Variants in RAPGEF5 observed in about 807,000 individuals in gnomAD.
The protein encoded by RAPGEF5 is M-Ras-regulated GEF.
Under a neutral mutation model 125.2 loss-of-function variants are expected in RAPGEF5, and 65 were observed. That is an observed-to-expected ratio of 0.52 (90% CI 0.43 to 0.64). The LOEUF is 0.64. RAPGEF5 is among the 30% of genes least tolerant of loss of function. The pLI, the probability that RAPGEF5 is intolerant of heterozygous loss-of-function variation, is 0.00. For missense variants in RAPGEF5, 958 were observed against 1,048.1 expected (o/e 0.91, Z 1.19); for synonymous variants, 391 against 385.9 (o/e 1.01, Z -0.16).
At chr7:22,288,257 G>A (rs190294715) in intron 6 of RAPGEF5, among the ~76,000 whole-genome samples, 13 of 152,014 alleles carry the variant, frequency 8.6e-5, no homozygotes, top group Non-Finnish European at 1.6e-4. Context: ...TCTTCTACTC[G>A]GGTCTTCAAT....
rs191244179 is a variant in RAPGEF5, at chr7:22,317,163, G to A, written c.282+824C>T. On this transcript the variant is annotated intron_variant, in intron 2 of 25. Coordinates refer to ENST00000665637, the MANE Select transcript of RAPGEF5 (RefSeq NM_012294.5). ...CTATTCCTGATGGTGGGGATACAGCGGTGGAGAAGGTAGAGAAGGTCCCAG... is the reference window on the plus strand; with the variant it reads ...CTATTCCTGATGGTGGGGATACAGCAGTGGAGAAGGTAGAGAAGGTCCCAG... Among the ~76,000 whole-genome samples, 17 of 151,068 alleles carry A rather than the reference G, an allele frequency of 1.1e-4. No homozygotes were observed. In the East Asian group the frequency reaches 2.1e-3, roughly 19 times the overall value.
At chr7:22,272,059 T>G (rs964324691) in intron 6 of RAPGEF5, among the ~76,000 whole-genome samples, 1 of 151,760 alleles carries the variant, frequency 6.6e-6, no homozygotes, top group Non-Finnish European at 1.5e-5. Flanking sequence ...TCAAGGAAAG[T>G]TGGGCCGGGC....
At chr7:22,191,706 G>A (rs979230908) in intron 11 of RAPGEF5, 16 of 468,280 alleles carry the variant, frequency 3.4e-5, no homozygotes, top group Middle Eastern at 3.2e-4. Context: ...CCAATAGCAG[G>A]CAAATTCTGA....
intron 5 of RAPGEF5, among the ~76,000 whole-genome samples, chr7:22,306,331 C>T (rs1017878350): frequency 6.6e-6 from 1 of 152,156 alleles, no homozygotes; most frequent in African/African-American, 2.4e-5. Context: ...TGGTGCTGAA[C>T]ACCTTTTCAT....
rs375937883 is a variant in RAPGEF5, at chr7:22,143,306, T to A, written c.2186+1738A>T. Among the ~76,000 whole-genome samples, 15 of 152,284 alleles carry A rather than the reference T, an allele frequency of 9.9e-5. No homozygotes were observed. In the East Asian group the frequency reaches 1.9e-3, roughly 20 times the overall value. ...AATACCAGGTCAGGAACCTCCATGGTCTCTTCTTGCCTAAGAAAAATTATC... is the reference window on the plus strand; with the variant it reads ...AATACCAGGTCAGGAACCTCCATGGACTCTTCTTGCCTAAGAAAAATTATC... On this transcript the variant is annotated intron_variant, in intron 20 of 25. Transcript: ENST00000665637.
chr7:22,319,030 T>C (rs1290757255), intron 1 of RAPGEF5, among the ~76,000 whole-genome samples: 1 of 152,240 alleles, frequency 6.6e-6, no homozygotes. Context: ...GAACTTAATA[T>C]TATTTGCTGA....
At chr7:22,169,990 GAC>G (rs1784300840) in intron 11 of RAPGEF5, among the ~76,000 whole-genome samples, 1 of 150,050 alleles carries the variant, frequency 6.7e-6, no homozygotes. Context: ...TAGCCTGGGC[GAC>G]ACAGAGAGAC....
At chr7:22,235,645 C>T (rs780030658) in intron 7 of RAPGEF5, among the ~76,000 whole-genome samples, 1 of 152,130 alleles carries the variant, frequency 6.6e-6, no homozygotes, top group East Asian at 1.9e-4. Context: ...TAGGAAAACA[C>T]CATAGTGTTT....
At chr7:22,314,388 C>A (rs1279651690) in intron 3 of RAPGEF5, among the ~76,000 whole-genome samples, 1 of 151,874 alleles carries the variant, frequency 6.6e-6, no homozygotes, top group South Asian at 2.1e-4. Context: ...AAAATTATGC[C>A]TCAGTACAAA....
intron 23 of RAPGEF5, among the ~76,000 whole-genome samples, chr7:22,132,341 A>C (rs1221333716): frequency 1.3e-5 from 2 of 150,244 alleles, no homozygotes; most frequent in African/African-American, 4.9e-5. Context: ...TCCAATGTGG[A>C]CTGAAATGTT....
At chr7:22,183,268 CAAAAAAAA>C (rs757079018) in intron 11 of RAPGEF5, among the ~76,000 whole-genome samples, 63 of 30,976 alleles carry the variant, frequency 2.0e-3, no homozygotes, top group African/African-American at 4.3e-3. Flanking sequence ...GACTCCATCA[CAAAAAAAA>C]AAAAAAAAAA....
At chr7:22,148,987 T>G (rs970285957) in intron 18 of RAPGEF5, among the ~76,000 whole-genome samples, 3 of 152,218 alleles carry the variant, frequency 2.0e-5, no homozygotes, top group Admixed American at 2.0e-4. Context: ...TGTGGCCTGC[T>G]GAAGGACAGC....
chr7:22,353,651 C>A (rs117839083), intron 1 of RAPGEF5, among the ~76,000 whole-genome samples: 1 of 152,302 alleles, frequency 6.6e-6, no homozygotes, highest in Non-Finnish European at 1.5e-5. Context: ...TTGTCAGGAA[C>A]TCAGGTTGTG....
At chr7:22,260,084 C>T (rs1346070756) in intron 7 of RAPGEF5, among the ~76,000 whole-genome samples, 1 of 149,630 alleles carries the variant, frequency 6.7e-6, no homozygotes, top group Admixed American at 6.6e-5. Flanking sequence ...GCAAAAACTC[C>T]GTCTCAAAAA....
At chr7:22,249,505 G>A (rs1583516621) in intron 7 of RAPGEF5, among the ~76,000 whole-genome samples, 1 of 152,002 alleles carries the variant, frequency 6.6e-6, no homozygotes, top group Admixed American at 6.6e-5. Context: ...CTTTAAACTA[G>A]TGCAAATCCG....
chr7:22,317,606 TCTC>T (rs1385324487), intron 2 of RAPGEF5, among the ~76,000 whole-genome samples: 1 of 152,110 alleles, frequency 6.6e-6, no homozygotes, highest in Non-Finnish European at 1.5e-5. Flanking sequence ...AGGAAGTAAA[TCTC>T]CTTTTACACA....
At chr7:22,232,330 T>C (rs1786079686) in intron 7 of RAPGEF5, among the ~76,000 whole-genome samples, 1 of 151,484 alleles carries the variant, frequency 6.6e-6, no homozygotes, top group Non-Finnish European at 1.5e-5. Context: ...TTTTTTTTTT[T>C]TGAGATGAAG....
At chr7:22,281,838 C>G (rs1333916269) in intron 6 of RAPGEF5, among the ~76,000 whole-genome samples, 1 of 152,210 alleles carries the variant, frequency 6.6e-6, no homozygotes, top group Admixed American at 6.5e-5. Flanking sequence ...AGGAGCCTCA[C>G]TGGCTATTTC....
At chr7:22,288,244 C>CT (rs35610645) in intron 6 of RAPGEF5, among the ~76,000 whole-genome samples, 69,960 of 151,852 alleles carry the variant, frequency 0.46, 17,149 homozygotes, top group East Asian at 0.69. Flanking sequence ...TCCCCAGACT[C>CT]TATCTTCTAC....
Sources: gnomAD v4.1 joint callset for allele counts (sites outside exome capture counted in the v4.1 genomes callset) on GRCh38, gnomAD v4.1.1 for gene constraint, MANE v1.5 for transcripts, NCBI Gene and HGNC (gene_info 2026-07-23, HGNC 2026-07-21) for gene names.